DCPS: variants seen among roughly 807,000 people sequenced by gnomAD.
The protein encoded by DCPS is m7GpppX diphosphatase.
A neutral mutation model predicts 34.7 loss-of-function variants in DCPS; 27 were observed. That is an observed-to-expected ratio of 0.78 (90% CI 0.57 to 1.07). DCPS has a LOEUF of 1.07. Ranked by LOEUF, DCPS falls within the 50% of genes least tolerant of loss-of-function variation. The pLI is 0.00. For synonymous variants in DCPS, 185 were observed against 185.7 expected, an observed-to-expected ratio of 1.00 and a Z score of 0.03; for missense variants, 464 against 436.9, an observed-to-expected ratio of 1.06 and a Z score of -0.55.
rs976169478 is a variant in DCPS, at chr11:126,338,876, G to A, written c.636+477G>A. Among the ~76,000 whole-genome samples the A allele has an allele frequency of 5.9e-5, 9 of 152,190 alleles. No homozygotes were observed. The highest frequency in any genetic ancestry group is 1.4e-4 in the African/African-American group (6 of 41,444). The stretch of plus-strand genomic sequence containing the variant: ...CCGAGCTGTGGAGTAGCTTAGCCCA[G>A]ACTTCTACTCAGGCCCCTTGGCCCC... On this transcript the variant is annotated intron_variant, in intron 4 of 5. Transcript: ENST00000263579. This position sits in a 1 kb window ranked among gnomAD's most constrained non-coding sequence, Gnocchi z 5.4.
At chr11:126,340,186 A>G (rs1951865644) in intron 4 of DCPS, among the ~76,000 whole-genome samples, 1 of 152,236 alleles carries the variant, frequency 6.6e-6, no homozygotes, top group African/African-American at 2.4e-5. Flanking sequence ...TAAGACAGGA[A>G]AGACTTTAGG....
rs752539882 is a variant in DCPS at position 126,304,076 on chromosome 11, G to A, written c.-5G>A. The A allele has an allele frequency of 1.5e-5, 24 of 1,590,294 alleles. No individual in the cohort carries two copies. The highest frequency in any genetic ancestry group is 1.1e-4 in the African/African-American group (8 of 74,446). On this transcript the variant is annotated 5_prime_UTR_variant, in exon 1 of 6. Coordinates refer to ENST00000263579, the MANE Select transcript of DCPS (RefSeq NM_014026.6). Reference sequence around the variant, plus strand: ...GGCGCAGGCGCACACCGCCTCCGCGGCAGCATGGCGGACGCAGCTCCTCAA... The same window carrying A: ...GGCGCAGGCGCACACCGCCTCCGCGACAGCATGGCGGACGCAGCTCCTCAA...
chr11:126,345,704 A>AT lies in DCPS; in HGVS notation c.*95dup. The stretch of plus-strand genomic sequence containing the variant: ...CTCCAAGTGAATTTTCTAAAAATGT[A>AT]TTTTATACCGGCTTATTCCTAGTAT... On this transcript the variant is annotated 3_prime_UTR_variant, in exon 6 of 6. Coordinates refer to ENST00000263579, the MANE Select transcript of DCPS (RefSeq NM_014026.6). The surrounding 1 kb of genome is among the most constrained non-coding windows in gnomAD (Gnocchi z 7.4). The AT allele has an allele frequency of 6.5e-7, 1 of 1,534,836 alleles. No individual in the cohort carries two copies. Among genetic ancestry groups the AT allele is most frequent in the Non-Finnish European group, 8.8e-7 (1 of 1,141,876 alleles).
Position 126,342,510 on chromosome 11 carries a change from C to T in DCPS, c.637-797C>T, listed in dbSNP as rs185233603. ...TCTATGCCCTATACATTCTTGCCTC[C>T]GAGTCTTTGCTCTGTTTCCTCTACC... On this transcript the variant is annotated intron_variant, in intron 4 of 5. Coordinates refer to ENST00000263579, the MANE Select transcript of DCPS (RefSeq NM_014026.6). The surrounding 1 kb of genome is among the most constrained non-coding windows in gnomAD (Gnocchi z 4.4). Among the ~76,000 whole-genome samples, 9 of 152,260 alleles carry T rather than the reference C, an allele frequency of 5.9e-5. No individual in the cohort carries two copies. Among genetic ancestry groups the T allele is most frequent in the African/African-American group, 1.9e-4 (8 of 41,548 alleles).
intron 2 of DCPS, among the ~76,000 whole-genome samples, chr11:126,307,388 G>T (rs1309612721): frequency 2.0e-5 from 3 of 151,418 alleles, no homozygotes; most frequent in Non-Finnish European, 4.4e-5. Flanking sequence ...TTTAGGGAGA[G>T]AGTGTGATTC....
chr11:126,343,039 C>A (rs574573247), intron 4 of DCPS, among the ~76,000 whole-genome samples: 57 of 148,020 alleles, frequency 3.9e-4, no homozygotes, highest in African/African-American at 1.4e-3. Context: ...CACTGCACTC[C>A]AGCCTGGGCG....
chr11:126,338,854 A>T lies in DCPS; in HGVS notation c.636+455A>T, dbSNP rs775323076. Among the ~76,000 whole-genome samples, 6 of 152,114 alleles carry T rather than the reference A, an allele frequency of 3.9e-5. No homozygotes were observed. Among genetic ancestry groups the T allele is most frequent in the Non-Finnish European group, 8.8e-5 (6 of 68,018 alleles). ...CCCAAGGCATCTCCTCCTCAGCCCG[A>T]GCTGTGGAGTAGCTTAGCCCAGACT... On this transcript the variant is annotated intron_variant, in intron 4 of 5. Coordinates refer to ENST00000263579, the MANE Select transcript of DCPS (RefSeq NM_014026.6). This position sits in a 1 kb window ranked among gnomAD's most constrained non-coding sequence, Gnocchi z 5.4.
chr11:126,349,262 T>C lies in DCPS; in HGVS notation c.*3649T>C, dbSNP rs1316950807. Among the ~76,000 whole-genome samples the C allele has an allele frequency of 2.0e-5, 3 of 152,218 alleles. No homozygotes were observed. The highest frequency in any genetic ancestry group is 4.4e-5 in the Non-Finnish European group (3 of 68,032). ...GTCCTGTGTGCTGCAGAGTGCCTCA[T>C]GTGTTGAACTGTGTGCCCTCAGAAG... On this transcript the variant is annotated 3_prime_UTR_variant, in exon 6 of 6. Coordinates refer to ENST00000263579, the MANE Select transcript of DCPS (RefSeq NM_014026.6). The surrounding 1 kb of genome is among the most constrained non-coding windows in gnomAD (Gnocchi z 5.4).
chr11:126,307,332 C>CAAA (rs113182860), intron 2 of DCPS, among the ~76,000 whole-genome samples: 2 of 83,464 alleles, frequency 2.4e-5, no homozygotes, highest in Admixed American at 1.3e-4. Context: ...AACCCTATCT[C>CAAA]AAAAAAAAAA....
At position 126,313,144 on chromosome 11, in the gene DCPS, G is replaced by T. The variant is rs7120764; in HGVS notation, c.376+6400G>T. On this transcript the variant is annotated intron_variant, in intron 2 of 5. Coordinates refer to ENST00000263579, the MANE Select transcript of DCPS (RefSeq NM_014026.6). The surrounding 1 kb of genome is among the most constrained non-coding windows in gnomAD (Gnocchi z 4.9). ...CTCTTCAAAGGCCAATTGTTTCCCC[G>T]TGTAAACCAGGAGGTGAAATCTCAA... 6.0e-4 allele frequency among the ~76,000 whole-genome samples: 89 copies of T among 149,310 alleles called. No homozygotes were observed. The highest frequency in any genetic ancestry group is 2.1e-3 in the African/African-American group (87 of 41,190).
At chr11:126,310,648 T>C (rs1172602443) in intron 2 of DCPS, among the ~76,000 whole-genome samples, 1 of 152,162 alleles carries the variant, frequency 6.6e-6, no homozygotes, top group Admixed American at 6.5e-5. Context: ...TCCTGTGGGC[T>C]GGGCATTCCA....
In DCPS at chr11:126,343,926, C is replaced by G. The variant is rs140924277; in HGVS notation, c.747+509C>G. On this transcript the variant is annotated intron_variant, in intron 5 of 5. Coordinates refer to ENST00000263579, the MANE Select transcript of DCPS (RefSeq NM_014026.6). The stretch of plus-strand genomic sequence containing the variant: ...AATTATCGGGGCTCTAAACAGAGCC[C>G]AGGAGCACGGGGAGATGGGGGAAGA... Among the ~76,000 whole-genome samples the G allele has an allele frequency of 2.6e-5, 4 of 152,268 alleles. No homozygotes were observed. In the East Asian group the frequency reaches 7.7e-4, roughly 29 times the overall value.
At position 126,304,106 on chromosome 11, in the gene DCPS, G is replaced by A. The variant is rs770582008; in HGVS notation, c.26G>A (p.Gly9Asp). Reference protein sequence around the residue: MADAAPQLGKRKRELDVEE... With the variant: MADAAPQLDKRKRELDVEE... ...ATGGCGGACGCAGCTCCTCAACTAG[G>A]CAAGAGGAAGCGCGAATTGGACGTG... The change falls in exon 1 of 6, where the codon GGC becomes GAC. Residue 9 changes from glycine to aspartate, a missense_variant. Gly to Asp is a moderately conservative substitution (Grantham distance 94). Coordinates refer to ENST00000263579, the MANE Select transcript of DCPS (RefSeq NM_014026.6). 5.6e-6 allele frequency: 9 copies of A among 1,611,978 alleles called. No individual in the cohort carries two copies. Among genetic ancestry groups the A allele is most frequent in the African/African-American group, 5.3e-5 (4 of 74,924 alleles).
At chr11:126,308,657 G>T (rs1336182035) in intron 2 of DCPS, among the ~76,000 whole-genome samples, 1 of 152,124 alleles carries the variant, frequency 6.6e-6, no homozygotes, top group Non-Finnish European at 1.5e-5. Flanking sequence ...GTGGCCCCCT[G>T]CATTGCAGGC....
chr11:126,311,994 G>A (rs895660803), intron 2 of DCPS, among the ~76,000 whole-genome samples: 1 of 152,172 alleles, frequency 6.6e-6, no homozygotes, highest in Admixed American at 6.5e-5. Context: ...GCAATGGCGC[G>A]ATATTGGCTT....
intron 4 of DCPS, chr11:126,341,693 A>G (rs1392295551): frequency 6.6e-6 from 1 of 152,280 alleles, no homozygotes; most frequent in Non-Finnish European, 1.5e-5. Flanking sequence ...GTGCGCACGC[A>G]CACAAATTCA....
At position 126,327,641 on chromosome 11, in the gene DCPS, C is replaced by T. The variant is rs1591387240; in HGVS notation, c.377-3764C>T. Among the ~76,000 whole-genome samples, 2 of 143,360 alleles carry T rather than the reference C, an allele frequency of 1.4e-5. No individual in the cohort carries two copies. Among genetic ancestry groups the T allele is most frequent in the Admixed American group, 7.1e-5 (1 of 14,176 alleles). 94.0% of individuals were successfully genotyped at this position (143,360 alleles called of 152,430 possible). ...TGACGGGCATTGAGGTAAACACCAG[C>T]GTTCATTGTTTTTTGGCTGCCATCG... On this transcript the variant is annotated intron_variant, in intron 2 of 5. Coordinates refer to ENST00000263579, the MANE Select transcript of DCPS (RefSeq NM_014026.6). The surrounding 1 kb of genome is among the most constrained non-coding windows in gnomAD (Gnocchi z 4.1).
chr11:126,325,437 A>G lies in DCPS; in HGVS notation c.377-5968A>G, dbSNP rs1296639008. On this transcript the variant is annotated intron_variant, in intron 2 of 5. Transcript: ENST00000263579. The surrounding 1 kb of genome is among the most constrained non-coding windows in gnomAD (Gnocchi z 4.3). ...TGTGTGCATTTGGTGAAGGGATGGT[A>G]AAAAGAGATAAATTCTCATCTTCCT... Among the ~76,000 whole-genome samples, 1 of 152,180 alleles carries G rather than the reference A, an allele frequency of 6.6e-6. No homozygotes were observed. The highest frequency in any genetic ancestry group is 1.9e-4 in the East Asian group (1 of 5,200).
At chr11:126,310,843 C>T (rs1011467180) in intron 2 of DCPS, among the ~76,000 whole-genome samples, 1 of 152,250 alleles carries the variant, frequency 6.6e-6, no homozygotes, top group African/African-American at 2.4e-5. Context: ...CCCTCTGTCC[C>T]CCTGCATGGT....
Sources: allele counts gnomAD v4.1 joint callset (sites outside exome capture counted in the v4.1 genomes callset), GRCh38; gene constraint gnomAD v4.1.1; non-coding constraint Gnocchi (gnomAD v3.1); transcripts MANE v1.5; gene names NCBI Gene and HGNC (gene_info 2026-07-23, HGNC 2026-07-21).